The following METTL8 variants were observed in gnomAD, a reference collection of about 807,000 sequenced individuals.
METTL8 encodes tRNA N(3)-cytidine methyltransferase METTL8, mitochondrial.
In METTL8, 32 loss-of-function variants were observed where a neutral mutation model predicts 48.7. The observed-to-expected ratio is 0.66, with a 90% confidence interval of 0.50 to 0.88. The LOEUF (loss-of-function observed/expected upper bound fraction) is 0.88, where lower values mean the gene tolerates loss of function less well. Ranked by LOEUF, METTL8 falls within the 40% of genes least tolerant of loss-of-function variation. METTL8 has a pLI of 0.00. For missense variants in METTL8, 464 were observed against 474.4 expected (o/e 0.98, Z 0.20); for synonymous variants, 136 against 157.1 (o/e 0.87, Z 1.01).
upstream of METTL8, chr2:171,434,449 C>G: frequency 6.7e-7 from 1 of 1,482,962 alleles, no homozygotes; most frequent in Non-Finnish European, 9.1e-7. Flanking sequence ...CTCCCCGTGT[C>G]AGCTTTCCCT....
At chr2:171,381,002 T>A (rs765220749) in intron 2 of METTL8, among the ~76,000 whole-genome samples, 3 of 152,160 alleles carry the variant, frequency 2.0e-5, no homozygotes, top group Non-Finnish European at 2.9e-5. Flanking sequence ...CAAACTATAC[T>A]ACAGGGCTAC....
rs184203067 is a variant in METTL8, at chr2:171,429,600, A to G, written c.-13+4283T>C. 1.7e-3 allele frequency among the ~76,000 whole-genome samples: 254 copies of G among 152,358 alleles called. 1 individual carries two copies. The highest frequency in any genetic ancestry group is 1.3e-3 in the Non-Finnish European group (88 of 68,040). Reference sequence around the variant, plus strand: ...GTTATCGGTGTATAAAAGATACAACACACACATAAAAAAATTAAAAAGACA... The same window carrying G: ...GTTATCGGTGTATAAAAGATACAACGCACACATAAAAAAATTAAAAAGACA... On this transcript the variant is annotated intron_variant, in intron 1 of 9. Transcript: ENST00000375258.
At chr2:171,326,004 A>C in intron 8 of METTL8, 38 bp downstream of exon 8, 1 of 1,379,562 alleles carries the variant, frequency 7.2e-7, no homozygotes, top group East Asian at 2.5e-5. Flanking sequence ...CATTCTTTAG[A>C]ACATTTAAAA....
At chr2:171,377,181 T>C (rs1172348120) in intron 2 of METTL8, among the ~76,000 whole-genome samples, 1 of 152,144 alleles carries the variant, frequency 6.6e-6, no homozygotes, top group Admixed American at 6.6e-5. Flanking sequence ...TCTCTCACCT[T>C]AAGCAAAAAT....
intron 3 of METTL8, among the ~76,000 whole-genome samples, chr2:171,352,826 A>AT (rs1174176060): frequency 6.6e-6 from 1 of 152,064 alleles, no homozygotes; most frequent in African/African-American, 2.4e-5. Context: ...CCCCTTTATC[A>AT]TTTTTTATTG....
At chr2:171,349,330 C>A (rs1032281620) in intron 3 of METTL8, among the ~76,000 whole-genome samples, 1 of 152,250 alleles carries the variant, frequency 6.6e-6, no homozygotes, top group East Asian at 1.9e-4. Flanking sequence ...ATATTTCCCC[C>A]ATTTCCCGAG....
rs1684935264 is a variant in METTL8 at position 171,326,163 on chromosome 2, T to C, written c.861-15A>G. The C allele has an allele frequency of 7.4e-7, 1 of 1,355,248 alleles. No individual in the cohort carries two copies. The allele number at this position is 1,355,248 out of a possible 1,614,324, so 84.0% of individuals were successfully genotyped here. ...CACCTTGCATCCTTTGGAAACAAAG[T>C]ATTAAAAAGATACCCAGTTTGTAGA... On this transcript the variant is annotated splice_polypyrimidine_tract_variant and intron_variant, in intron 7 of 9. Coordinates refer to ENST00000375258, the MANE Select transcript of METTL8 (RefSeq NM_001321154.2).
chr2:171,395,180 C>G (rs578112704), intron 1 of METTL8, among the ~76,000 whole-genome samples: 87 of 152,216 alleles, frequency 5.7e-4, no homozygotes, highest in Non-Finnish European at 9.7e-4. Flanking sequence ...CAGTTTAACT[C>G]AGATAATTGC....
At chr2:171,376,120 G>A (rs940789718) in intron 2 of METTL8, among the ~76,000 whole-genome samples, 12 of 152,256 alleles carry the variant, frequency 7.9e-5, no homozygotes, top group African/African-American at 2.9e-4. Flanking sequence ...CTGGGCATTT[G>A]ACTGCAACAT....
Position 171,339,442 on chromosome 2 carries a change from T to TG in METTL8, c.347dup (p.Val117SerfsTer2). The TG allele has an allele frequency of 6.2e-7, 1 of 1,613,672 alleles. No homozygotes were observed. Among genetic ancestry groups the TG allele is most frequent in the Non-Finnish European group, 8.5e-7 (1 of 1,179,742 alleles). On this transcript the variant is annotated frameshift_variant, in exon 4 of 10. Coordinates refer to ENST00000375258, the MANE Select transcript of METTL8 (RefSeq NM_001321154.2). LOFTEE classifies it high-confidence loss of function. Reference sequence around the variant, plus strand: ...CCTTCTCTTCAGGTTTTTGATCAACTGGAAGAATTTCAGGAAATTCCCTCA... The same window carrying TG: ...CCTTCTCTTCAGGTTTTTGATCAACTGGGAAGAATTTCAGGAAATTCCCTCA...
intron 1 of METTL8, among the ~76,000 whole-genome samples, chr2:171,417,117 A>G (rs1474462275): frequency 6.6e-6 from 1 of 152,188 alleles, no homozygotes; most frequent in Non-Finnish European, 1.5e-5. Flanking sequence ...TTAACTTAGA[A>G]TTTCTATGTG....
intron 2 of METTL8, among the ~76,000 whole-genome samples, chr2:171,379,940 A>G (rs1045284126): frequency 6.6e-6 from 1 of 152,178 alleles, no homozygotes; most frequent in Non-Finnish European, 1.5e-5. Flanking sequence ...CAGAAACACA[A>G]CAACAAAAAA....
chr2:171,381,989 G>A (rs931565116), intron 2 of METTL8, among the ~76,000 whole-genome samples: 3 of 151,904 alleles, frequency 2.0e-5, no homozygotes, highest in Admixed American at 6.6e-5. Flanking sequence ...TCACCATGTT[G>A]GCCAGGATGG....
chr2:171,325,483 C>T (rs2105384638), intron 9 of METTL8, among the ~76,000 whole-genome samples: 1 of 152,320 alleles, frequency 6.6e-6, no homozygotes, highest in African/African-American at 2.4e-5. Context: ...ACCCCTGTGA[C>T]AGGCCAAGAT....
At chr2:171,373,286 T>A (rs1332062477) in intron 2 of METTL8, among the ~76,000 whole-genome samples, 1 of 152,272 alleles carries the variant, frequency 6.6e-6, no homozygotes, top group Non-Finnish European at 1.5e-5. Context: ...TGTCTTCTTT[T>A]GAGAAGAGTC....
chr2:171,389,409 A>C (rs947191398), intron 2 of METTL8, among the ~76,000 whole-genome samples: 4 of 150,092 alleles, frequency 2.7e-5, no homozygotes, highest in Non-Finnish European at 5.9e-5. Flanking sequence ...AGTCCCAGCT[A>C]CTTGGGAGGC....
intron 2 of METTL8, among the ~76,000 whole-genome samples, chr2:171,368,380 G>T (rs1247361490): frequency 6.6e-6 from 1 of 152,076 alleles, no homozygotes; most frequent in Non-Finnish European, 1.5e-5. Flanking sequence ...ATTTAGACTT[G>T]GGTATGTGGC....
chr2:171,330,114 G>A (rs553206435), intron 7 of METTL8, among the ~76,000 whole-genome samples: 1 of 152,162 alleles, frequency 6.6e-6, no homozygotes, highest in African/African-American at 2.4e-5. Flanking sequence ...TGCTTCTTTA[G>A]AACAAAATTT....
In METTL8 at chr2:171,324,031, C is replaced by A. The variant is rs1684683106; in HGVS notation, c.*141G>T. 8 of 680,412 alleles carry A rather than the reference C, an allele frequency of 1.2e-5. No individual in the cohort carries two copies. The highest frequency in any genetic ancestry group is 1.4e-5 in the Non-Finnish European group (6 of 416,660). The allele number at this position is 680,412 out of a possible 1,614,324, so 42.1% of individuals were successfully genotyped here. ...ACCACTTACATGTGCTTAAAATGCACAAAGGAGCTCACCTATGACAAAACG... is the reference window on the plus strand; with the variant it reads ...ACCACTTACATGTGCTTAAAATGCAAAAAGGAGCTCACCTATGACAAAACG... On this transcript the variant is annotated 3_prime_UTR_variant, in exon 10 of 10. Coordinates refer to ENST00000375258, the MANE Select transcript of METTL8 (RefSeq NM_001321154.2).
Sources: allele counts gnomAD v4.1 joint callset (sites outside exome capture counted in the v4.1 genomes callset), GRCh38; gene constraint gnomAD v4.1.1; transcripts MANE v1.5; gene names NCBI Gene and HGNC (gene_info 2026-07-23, HGNC 2026-07-21).